Variants in KCNIP4 observed in about 807,000 individuals in gnomAD.
The protein encoded by KCNIP4 is potassium voltage-gated channel interacting protein 4, also known as Kv channel-interacting protein 4.
Under a neutral mutation model 34.0 loss-of-function variants are expected in KCNIP4, and 12 were observed. The observed-to-expected ratio is 0.35, with a 90% CI of 0.23 to 0.57. The LOEUF (loss-of-function observed/expected upper bound fraction) is 0.57, where lower values mean the gene tolerates loss of function less well. KCNIP4 is among the 20% of genes least tolerant of loss of function. The pLI, the probability that KCNIP4 is intolerant of heterozygous loss-of-function variation, is 0.83. For synonymous variants in KCNIP4, 124 were observed against 102.2 expected (o/e 1.21, Z -1.29); for missense variants, 238 against 311.7 (o/e 0.76, Z 1.78).
At chr4:21,771,495 T>C (rs1718784470) in intron 1 of KCNIP4, among the ~76,000 whole-genome samples, 1 of 152,174 alleles carries the variant, frequency 6.6e-6, no homozygotes, top group Non-Finnish European at 1.5e-5. Flanking sequence ...CAATGGTAGT[T>C]TAATGGGAAT....
intron 1 of KCNIP4, among the ~76,000 whole-genome samples, chr4:21,262,607 G>T (rs1761542598): frequency 1.3e-5 from 2 of 152,124 alleles, no homozygotes; most frequent in Admixed American, 1.3e-4. Context: ...TTGATATTGT[G>T]TTCTTATTTA....
At chr4:21,350,375 AC>A (rs1001502794) in intron 1 of KCNIP4, among the ~76,000 whole-genome samples, 2 of 151,984 alleles carry the variant, frequency 1.3e-5, no homozygotes, top group African/African-American at 4.8e-5. Flanking sequence ...AGTAATTGAG[AC>A]CCCCACCAGT....
At chr4:21,712,359 GT>G in intron 1 of KCNIP4, among the ~76,000 whole-genome samples, 1 of 152,298 alleles carries the variant, frequency 6.6e-6, no homozygotes, top group Non-Finnish European at 1.5e-5. Context: ...ACTATTATCG[GT>G]TCTGTACAGT....
chr4:21,778,228 TTTTTTTTC>T (rs1483944962), intron 1 of KCNIP4, among the ~76,000 whole-genome samples: 19 of 57,746 alleles, frequency 3.3e-4, no homozygotes, highest in African/African-American at 2.0e-3. Context: ...TTTTTCCTTT[TTTTTTTTC>T]TTTTTTTTTT....
chr4:21,497,603 A>G (rs1006575225), intron 1 of KCNIP4, among the ~76,000 whole-genome samples: 19 of 152,204 alleles, frequency 1.2e-4, no homozygotes, highest in African/African-American at 7.2e-5. Flanking sequence ...ATTACAATAA[A>G]TCCTCTCCAC....
In KCNIP4 at chr4:21,038,877, TCAGTGTTC is replaced by T. The variant is rs375347467; in HGVS notation, c.62-156176_62-156169del. On this transcript the variant is annotated intron_variant, in intron 1 of 8. Coordinates refer to ENST00000382152, the MANE Select transcript of KCNIP4 (RefSeq NM_025221.6). ...CCCAGCTGGAATCTCCAATCTAAAC[TCAGTGTTC>T]CAGCTCCTTCACAGTGTTCTGTTGG... Among the ~76,000 whole-genome samples, 304 of 152,292 alleles carry T rather than the reference TCAGTGTTC, an allele frequency of 2.0e-3. 1 individual carries two copies. Among genetic ancestry groups the T allele is most frequent in the African/African-American group, 7.0e-3 (292 of 41,564 alleles).
chr4:20,848,107 C>T (rs755621745), intron 3 of KCNIP4, among the ~76,000 whole-genome samples: 1 of 152,038 alleles, frequency 6.6e-6, no homozygotes, highest in African/African-American at 2.4e-5. Context: ...TAAAAGGCCA[C>T]TTGTGTTTGA....
intron 1 of KCNIP4, among the ~76,000 whole-genome samples, chr4:21,593,191 C>A (rs531190626): frequency 1.1e-4 from 17 of 150,764 alleles, no homozygotes; most frequent in Non-Finnish European, 2.2e-4. Context: ...TCCATAGATA[C>A]CAGGGCAAGG....
At chr4:21,151,289 A>G (rs1173816718) in intron 1 of KCNIP4, among the ~76,000 whole-genome samples, 3 of 152,140 alleles carry the variant, frequency 2.0e-5, no homozygotes, top group Non-Finnish European at 4.4e-5. Flanking sequence ...TTAAAATTAC[A>G]ATGGTAACTA....
intron 1 of KCNIP4, among the ~76,000 whole-genome samples, chr4:21,390,771 G>T (rs937823816): frequency 6.6e-6 from 1 of 152,158 alleles, no homozygotes; most frequent in East Asian, 1.9e-4. Context: ...GCTTAGGATT[G>T]TCTTGGCAAT....
Position 21,239,981 on chromosome 4 carries a change from C to T in KCNIP4, c.62-357272G>A, listed in dbSNP as rs552170576. ...AAAGACTTGGAACCAACCCAAATGT[C>T]CAACAATGATAGATTGGATTAAGCA... On this transcript the variant is annotated intron_variant, in intron 1 of 8. Coordinates refer to ENST00000382152, the MANE Select transcript of KCNIP4 (RefSeq NM_025221.6). Among the ~76,000 whole-genome samples, 54 of 152,092 alleles carry T rather than the reference C, an allele frequency of 3.6e-4. 1 individual carries two copies. In the Middle Eastern group the frequency reaches 0.014, roughly 38 times the overall value.
chr4:21,323,550 A>G (rs1560290070), intron 1 of KCNIP4, among the ~76,000 whole-genome samples: 1 of 152,098 alleles, frequency 6.6e-6, no homozygotes, highest in Non-Finnish European at 1.5e-5. Context: ...TTCACTTAAC[A>G]TAATTACCTC....
intron 3 of KCNIP4, among the ~76,000 whole-genome samples, chr4:20,824,942 G>C (rs1451834982): frequency 6.6e-6 from 1 of 152,074 alleles, no homozygotes; most frequent in Non-Finnish European, 1.5e-5. Context: ...TAGACTCTCT[G>C]TTTAAAATTA....
At chr4:21,593,574 T>A (rs1400706916) in intron 1 of KCNIP4, among the ~76,000 whole-genome samples, 1 of 152,096 alleles carries the variant, frequency 6.6e-6, no homozygotes, top group Non-Finnish European at 1.5e-5. Flanking sequence ...CTCCAGCTGT[T>A]ATCTATTAGC....
chr4:20,963,168 A>G (rs1224067604), intron 1 of KCNIP4, among the ~76,000 whole-genome samples: 3 of 140,160 alleles, frequency 2.1e-5, no homozygotes, highest in African/African-American at 7.5e-5. Flanking sequence ...TAAAAATACA[A>G]AAAAAAAAAT....
chr4:21,294,340 C>T (rs1763714281), intron 1 of KCNIP4, among the ~76,000 whole-genome samples: 1 of 152,158 alleles, frequency 6.6e-6, no homozygotes, highest in African/African-American at 2.4e-5. Flanking sequence ...CCCTAACTCC[C>T]TGCTGAACCA....
intron 1 of KCNIP4, among the ~76,000 whole-genome samples, chr4:21,794,155 G>C (rs559775152): frequency 2.6e-5 from 4 of 152,296 alleles, no homozygotes; most frequent in African/African-American, 9.6e-5. Context: ...GATAGCATTA[G>C]GAGATATACC....
chr4:21,928,738 T>C (rs1473781580), intron 1 of KCNIP4, among the ~76,000 whole-genome samples: 1 of 151,896 alleles, frequency 6.6e-6, no homozygotes, highest in Non-Finnish European at 1.5e-5. Context: ...CAAATCCTAA[T>C]CCCCCTTCTC....
intron 2 of KCNIP4, among the ~76,000 whole-genome samples, chr4:20,851,491 C>T (rs1410192989): frequency 6.6e-6 from 1 of 152,174 alleles, no homozygotes; most frequent in Non-Finnish European, 1.5e-5. Flanking sequence ...CTGCAATGAA[C>T]ATATGCAGGC....
Sources: gnomAD v4.1 joint callset for allele counts (sites outside exome capture counted in the v4.1 genomes callset) on GRCh38, gnomAD v4.1.1 for gene constraint, MANE v1.5 for transcripts, NCBI Gene and HGNC (gene_info 2026-07-23, HGNC 2026-07-21) for gene names.